The following GFM2 variants were observed in gnomAD, a reference collection of about 807,000 sequenced individuals.
The protein encoded by GFM2 is ribosome-releasing factor 2, mitochondrial.
GFM2 carries 72 observed loss-of-function variants against 95.4 expected under a neutral mutation model. That is an observed-to-expected ratio of 0.76 (90% CI 0.62 to 0.92). The LOEUF (loss-of-function observed/expected upper bound fraction) is 0.92. Ranked by LOEUF, GFM2 falls within the 40% of genes least tolerant of loss-of-function variation. The pLI, the probability that GFM2 is intolerant of heterozygous loss-of-function variation, is 0.00. For synonymous variants in GFM2, 276 were observed against 317.5 expected, an observed-to-expected ratio of 0.87 and a Z score of 1.39; for missense variants, 825 against 924.1, an observed-to-expected ratio of 0.89 and a Z score of 1.39.
At chr5:74,727,469 C>T (rs530557614) in intron 17 of GFM2, among the ~76,000 whole-genome samples, 1 of 152,222 alleles carries the variant, frequency 6.6e-6, no homozygotes, top group South Asian at 2.1e-4. Flanking sequence ...CACTATTTTC[C>T]GACTCCAGCC....
intron 15 of GFM2, among the ~76,000 whole-genome samples, chr5:74,734,356 T>C (rs1345757516): frequency 6.6e-6 from 1 of 152,146 alleles, no homozygotes; most frequent in African/African-American, 2.4e-5. Context: ...GATGTGGCTA[T>C]AAGAAAATTT....
At chr5:74,741,408 C>T in intron 11 of GFM2, 121 bp downstream of exon 11, 1 of 607,366 alleles carries the variant, frequency 1.6e-6, no homozygotes, top group Non-Finnish European at 3.0e-6. Context: ...TAACTTTAAA[C>T]TTACCACTTT....
chr5:74,745,321 G>C (rs1743324101), intron 10 of GFM2, among the ~76,000 whole-genome samples: 1 of 152,156 alleles, frequency 6.6e-6, no homozygotes, highest in Admixed American at 6.5e-5. Context: ...CTCCAGCCTA[G>C]GCCGCAGAGC....
chr5:74,741,584 G>A lies in GFM2; in HGVS notation c.875C>T (p.Ala292Val). Residue 292 changes from alanine to valine, a missense_variant, in exon 11 of 21, where the codon GCT (alanine) becomes GTT (valine). By Grantham distance (64) the Ala-to-Val change is moderately conservative. Coordinates refer to ENST00000296805, the MANE Select transcript of GFM2 (RefSeq NM_032380.5). ...EQVADLDDEF[A>V]DLVLEEFSEN... ...ACTAAATTCTTCTAAAACCAAGTCA[G>A]CAAATTCATCATCCAAATCTGCAAC... 1 of 1,587,830 alleles carries A rather than the reference G, an allele frequency of 6.3e-7. No individual in the cohort carries two copies. The highest frequency in any genetic ancestry group is 8.6e-7 in the Non-Finnish European group (1 of 1,160,474).
chr5:74,723,552 C>A (rs981237110), intron 19 of GFM2, among the ~76,000 whole-genome samples: 1 of 152,108 alleles, frequency 6.6e-6, no homozygotes, highest in African/African-American at 2.4e-5. Flanking sequence ...CCTCTACTAT[C>A]TCTTCCCTAT....
At chr5:74,762,600 T>C (rs552193090) in intron 2 of GFM2, among the ~76,000 whole-genome samples, 5 of 152,320 alleles carry the variant, frequency 3.3e-5, no homozygotes, top group South Asian at 4.1e-4. Context: ...AAGGGAGCAC[T>C]TTATGGCTTC....
intron 11 of GFM2, among the ~76,000 whole-genome samples, chr5:74,740,521 C>G (rs377159763): frequency 8.0e-4 from 121 of 152,142 alleles, no homozygotes; most frequent in African/African-American, 2.7e-3. Flanking sequence ...ACCATTTCTT[C>G]AAATAAATTA....
intron 15 of GFM2, chr5:74,736,510 A>T (rs926579837): frequency 2.0e-6 from 2 of 985,112 alleles, no homozygotes; most frequent in Non-Finnish European, 1.2e-6. Context: ...AATATACTAG[A>T]AGGGCAGTTC....
chr5:74,750,742 C>T, intron 6 of GFM2, 75 bp from the exon 7 acceptor site: 1 of 1,038,270 alleles, frequency 9.6e-7, no homozygotes, highest in Non-Finnish European at 1.5e-6. Context: ...TCACATCTCA[C>T]TCCTGGGGAG....
In GFM2 at chr5:74,757,944, GA is replaced by G. The variant is rs550854727; in HGVS notation, c.304+904del. 9.4e-4 allele frequency among the ~76,000 whole-genome samples: 143 copies of G among 152,070 alleles called. 3 individuals are homozygous for G. Among genetic ancestry groups the G allele is most frequent in the African/African-American group, 3.2e-3 (133 of 41,484 alleles). On this transcript the variant is annotated intron_variant, in intron 5 of 20. Transcript: ENST00000296805. ...TGGTTGCAAGGGACCGGGGAAAGGG[GA>G]AAATGGGAGTTGTTTAATGGGTATA...
At chr5:74,745,576 G>A (rs1004726843) in intron 10 of GFM2, 102 bp downstream of exon 10, 1 of 907,322 alleles carries the variant, frequency 1.1e-6, no homozygotes, top group Non-Finnish European at 1.6e-6. Context: ...GGTATCCACA[G>A]GAGGTCCTGC....
At chr5:74,760,872 G>A in intron 3 of GFM2, 30 bp downstream of exon 3, 1 of 1,351,886 alleles carries the variant, frequency 7.4e-7, no homozygotes, top group Non-Finnish European at 1.0e-6. Context: ...AAACAGCTTA[G>A]ATAAAATTAG....
At chr5:74,750,956 C>T (rs537406932) in intron 6 of GFM2, among the ~76,000 whole-genome samples, 1 of 152,214 alleles carries the variant, frequency 6.6e-6, no homozygotes, top group Non-Finnish European at 1.5e-5. Context: ...TATTGTAGCA[C>T]ATTGTCACAT....
chr5:74,755,781 T>C (rs1743948173), intron 5 of GFM2, among the ~76,000 whole-genome samples: 1 of 152,158 alleles, frequency 6.6e-6, no homozygotes, highest in Non-Finnish European at 1.5e-5. Context: ...CTGAATTCCA[T>C]CAGACATTCA....
intron 1 of GFM2, among the ~76,000 whole-genome samples, chr5:74,766,122 A>C (rs1744582879): frequency 6.6e-6 from 1 of 152,204 alleles, no homozygotes; most frequent in South Asian, 2.1e-4. Context: ...CCTGGGCAAC[A>C]CGGTGAAACC....
Position 74,730,257 on chromosome 5 carries a change from T to TACC in GFM2, c.1726_1726+2dup. Reference sequence around the variant, plus strand: ...AGCAAATCCTAAATGTTTTACTTTTTACCTGTGGCACGAACTGAGTTTAGG... The same window carrying TACC: ...AGCAAATCCTAAATGTTTTACTTTTTACCACCTGTGGCACGAACTGAGTTTAGG... On this transcript the variant is annotated splice_region_variant and intron_variant, in intron 17 of 20. Transcript: ENST00000296805. 6.3e-7 allele frequency: 1 copy of TACC among 1,597,118 alleles called. No homozygotes were observed. Among genetic ancestry groups the TACC allele is most frequent in the Non-Finnish European group, 8.5e-7 (1 of 1,175,370 alleles).
chr5:74,728,803 T>C (rs1172635882), intron 17 of GFM2, among the ~76,000 whole-genome samples: 7 of 134,066 alleles, frequency 5.2e-5, no homozygotes, highest in Admixed American at 2.7e-4. Flanking sequence ...GTTGCCTGGG[T>C]TGGAGTGTAA....
chr5:74,760,657 T>C (rs1276396789), intron 3 of GFM2, among the ~76,000 whole-genome samples: 1 of 152,192 alleles, frequency 6.6e-6, no homozygotes, highest in Admixed American at 6.5e-5. Context: ...GCAAACTAGC[T>C]ACTAAAGCCA....
At chr5:74,749,921 T>G (rs1220920800) in intron 7 of GFM2, among the ~76,000 whole-genome samples, 1 of 152,216 alleles carries the variant, frequency 6.6e-6, no homozygotes. Context: ...TATACATAAC[T>G]TAACACTGTG....
Sources: allele counts gnomAD v4.1 joint callset (sites outside exome capture counted in the v4.1 genomes callset), GRCh38; gene constraint gnomAD v4.1.1; transcripts MANE v1.5; gene names NCBI Gene and HGNC (gene_info 2026-07-23, HGNC 2026-07-21).